FGF12: variants seen among roughly 807,000 people sequenced by gnomAD.
The protein encoded by FGF12 is fibroblast growth factor 12, also known as fibroblast growth factor 12B.
FGF12 carries 14 observed loss-of-function variants against 23.6 expected under a neutral mutation model. That is an observed-to-expected ratio of 0.59 (90% CI 0.39 to 0.93). FGF12 has a LOEUF of 0.93. FGF12 is among the 40% of genes least tolerant of loss of function. The probability of loss-of-function intolerance (pLI) is 0.00; values close to 1 mark genes in which losing one functional copy is unlikely to be tolerated. For synonymous variants in FGF12, 62 were observed against 77.3 expected, an observed-to-expected ratio of 0.80 and a Z score of 1.04; for missense variants, 175 against 217.8, an observed-to-expected ratio of 0.80 and a Z score of 1.24.
At chr3:192,533,753 T>G (rs1311340445) in intron 2 of FGF12, among the ~76,000 whole-genome samples, 1 of 152,206 alleles carries the variant, frequency 6.6e-6, no homozygotes, top group Non-Finnish European at 1.5e-5. Flanking sequence ...CGACCCCATT[T>G]TTCTCTGTTG....
At position 192,621,619 on chromosome 3, in the gene FGF12, T is replaced by A. The variant is rs73887651; in HGVS notation, c.13+105562A>T. Among the ~76,000 whole-genome samples the A allele has an allele frequency of 6.3e-3, 949 of 150,080 alleles. 8 individuals are homozygous for A. The highest frequency in any genetic ancestry group is 0.022 in the African/African-American group (904 of 40,686). On this transcript the variant is annotated intron_variant, in intron 2 of 5. Coordinates refer to ENST00000445105, the MANE Select transcript of FGF12 (RefSeq NM_004113.6). Reference sequence around the variant, plus strand: ...TAGATATTCTTATTGATGAGAAAATTGTGTCTTTTGTTTAGGGAAGTAGCA... The same window carrying A: ...TAGATATTCTTATTGATGAGAAAATAGTGTCTTTTGTTTAGGGAAGTAGCA...
intron 2 of FGF12, among the ~76,000 whole-genome samples, chr3:192,366,243 A>C (rs1295249428): frequency 6.6e-6 from 1 of 152,164 alleles, no homozygotes; most frequent in East Asian, 1.9e-4. Flanking sequence ...GTACGTGTTG[A>C]TAGAAAAGCA....
Position 192,569,304 on chromosome 3 carries a change from G to A in FGF12, c.13+157877C>T, listed in dbSNP as rs78488451. On this transcript the variant is annotated intron_variant, in intron 2 of 5. Coordinates refer to ENST00000445105, the MANE Select transcript of FGF12 (RefSeq NM_004113.6). ...ATATCAGTTGCTTCATCTAATGAAT[G>A]TTTATTTCTCATCCACACATAGTCT... 6.2e-3 allele frequency among the ~76,000 whole-genome samples: 942 copies of A among 152,272 alleles called. 6 individuals carry two copies. Among genetic ancestry groups the A allele is most frequent in the African/African-American group, 0.021 (884 of 41,562 alleles).
At chr3:192,711,623 A>G (rs1433179096) in intron 2 of FGF12, among the ~76,000 whole-genome samples, 1 of 152,166 alleles carries the variant, frequency 6.6e-6, no homozygotes, top group Non-Finnish European at 1.5e-5. Context: ...CTGCCTTGGG[A>G]TGCTGTTGAT....
chr3:192,685,320 G>A (rs1417521403), intron 2 of FGF12, among the ~76,000 whole-genome samples: 2 of 152,144 alleles, frequency 1.3e-5, no homozygotes, highest in African/African-American at 4.8e-5. Context: ...CAAAGTGCTG[G>A]GATTACAGGC....
chr3:192,535,378 GTCT>G (rs1297114706), intron 2 of FGF12, among the ~76,000 whole-genome samples: 3 of 152,132 alleles, frequency 2.0e-5, no homozygotes, highest in African/African-American at 7.2e-5. Context: ...GGGAGAATAG[GTCT>G]TCTTTCTTCA....
intron 5 of FGF12, among the ~76,000 whole-genome samples, chr3:192,152,564 G>T (rs199809531): frequency 0.14 from 19,383 of 142,168 alleles, 1,430 homozygotes; most frequent in South Asian, 0.2. Context: ...CCTTCATTTC[G>T]TTATGTACCC....
chr3:192,385,831 G>C (rs1428242192), intron 2 of FGF12, among the ~76,000 whole-genome samples: 2 of 152,198 alleles, frequency 1.3e-5, no homozygotes, highest in Non-Finnish European at 2.9e-5. Context: ...TGGGATGCCA[G>C]AGTGTGGTAC....
At chr3:192,555,275 A>G (rs1277721181) in intron 2 of FGF12, among the ~76,000 whole-genome samples, 1 of 152,202 alleles carries the variant, frequency 6.6e-6, no homozygotes, top group Non-Finnish European at 1.5e-5. Flanking sequence ...ACAATGAGAG[A>G]GTTTTGAAAG....
intron 4 of FGF12, among the ~76,000 whole-genome samples, chr3:192,257,909 C>T (rs1050778207): frequency 3.3e-5 from 5 of 151,554 alleles, no homozygotes; most frequent in African/African-American, 1.2e-4. Flanking sequence ...TCTGAGAGGG[C>T]TTGACATGCA....
intron 2 of FGF12, among the ~76,000 whole-genome samples, chr3:192,655,031 T>G (rs1503593): frequency 0.58 from 87,951 of 151,954 alleles, 25,814 homozygotes; most frequent in East Asian, 0.67. Flanking sequence ...AGGAACAAAT[T>G]TTAGGAGTAA....
intron 4 of FGF12, among the ~76,000 whole-genome samples, chr3:192,279,315 T>A (rs1010054533): frequency 4.6e-5 from 7 of 151,366 alleles, no homozygotes; most frequent in African/African-American, 1.5e-4. Context: ...GAGATAAATA[T>A]GTCTCTCATT....
chr3:192,575,906 A>G (rs1383032468), intron 2 of FGF12, among the ~76,000 whole-genome samples: 1 of 152,208 alleles, frequency 6.6e-6, no homozygotes, highest in Admixed American at 6.5e-5. Flanking sequence ...CTATAAGGTT[A>G]TATTCTATGA....
At chr3:192,625,190 G>A (rs1328584473) in intron 2 of FGF12, among the ~76,000 whole-genome samples, 1 of 152,050 alleles carries the variant, frequency 6.6e-6, no homozygotes. Context: ...GTAAATTTCT[G>A]GAAGTAGAAT....
chr3:192,451,926 G>A (rs1722535199), intron 2 of FGF12, among the ~76,000 whole-genome samples: 1 of 152,118 alleles, frequency 6.6e-6, no homozygotes, highest in African/African-American at 2.4e-5. Flanking sequence ...TAGCTAGAAT[G>A]TTTGCCTTAA....
chr3:192,616,810 AT>A (rs1252227447), intron 2 of FGF12, among the ~76,000 whole-genome samples: 1 of 151,666 alleles, frequency 6.6e-6, no homozygotes, highest in Non-Finnish European at 1.5e-5. Context: ...GTGATCATCA[AT>A]TTATTTTGTG....
At chr3:192,565,810 G>A (rs1401941265) in intron 2 of FGF12, among the ~76,000 whole-genome samples, 3 of 152,236 alleles carry the variant, frequency 2.0e-5, no homozygotes, top group Non-Finnish European at 4.4e-5. Context: ...GACTGGGCCG[G>A]GCATGGTGGC....
chr3:192,576,744 G>GA (rs1225899259), intron 2 of FGF12, among the ~76,000 whole-genome samples: 1 of 152,118 alleles, frequency 6.6e-6, no homozygotes, highest in Non-Finnish European at 1.5e-5. Context: ...GGGGAGGGCA[G>GA]AAAAATAAAT....
In FGF12 at chr3:192,544,127, T is replaced by C. The variant is rs188295212; in HGVS notation, c.13+183054A>G. 1.8e-3 allele frequency among the ~76,000 whole-genome samples: 281 copies of C among 152,306 alleles called. 2 individuals are homozygous for C. The highest frequency in any genetic ancestry group is 6.6e-3 in the African/African-American group (274 of 41,564). On this transcript the variant is annotated intron_variant, in intron 2 of 5. Coordinates refer to ENST00000445105, the MANE Select transcript of FGF12 (RefSeq NM_004113.6). The stretch of plus-strand genomic sequence containing the variant: ...CCATTAGCTTTGGCTGAGTTCTGCC[T>C]GGTGTTGCTGTCTGCTGTGACAGGA...
Sources: allele counts gnomAD v4.1 joint callset (sites outside exome capture counted in the v4.1 genomes callset), GRCh38; gene constraint gnomAD v4.1.1; transcripts MANE v1.5; gene names NCBI Gene and HGNC (gene_info 2026-07-23, HGNC 2026-07-21).